Variants in BCL2L13 observed in about 807,000 individuals in gnomAD.
BCL2L13 encodes the protein BCL2 like 13, also known as bcl-2-like protein 13.
Under a neutral mutation model 25.8 loss-of-function variants are expected in BCL2L13, and 13 were observed. That is an observed-to-expected ratio of 0.50 (90% CI 0.33 to 0.80). The LOEUF (loss-of-function observed/expected upper bound fraction) is 0.80. BCL2L13 is among the 30% of genes least tolerant of loss of function. BCL2L13 has a pLI of 0.02. For missense variants in BCL2L13, 504 were observed against 574.9 expected (o/e 0.88, Z 1.26); for synonymous variants, 244 against 230.3 (o/e 1.06, Z -0.54).
At chr22:17,706,574 G>T in intron 6 of BCL2L13, 1 of 798,082 alleles carries the variant, frequency 1.3e-6, no homozygotes, top group Non-Finnish European at 1.6e-6. Flanking sequence ...CAAATGCCAG[G>T]TTTTCACATG....
chr22:17,643,695 T>C (rs2058369296), intron 1 of BCL2L13, among the ~76,000 whole-genome samples: 1 of 152,092 alleles, frequency 6.6e-6, no homozygotes, highest in African/African-American at 2.4e-5. Flanking sequence ...TGGTGCGATC[T>C]CGGCTCACTG....
chr22:17,671,676 T>C (rs2059425311), intron 2 of BCL2L13, among the ~76,000 whole-genome samples: 1 of 152,162 alleles, frequency 6.6e-6, no homozygotes, highest in Non-Finnish European at 1.5e-5. Context: ...GCGATCTTTA[T>C]GCCTTAGCCT....
chr22:17,645,675 T>C (rs1020912616), intron 1 of BCL2L13, among the ~76,000 whole-genome samples: 1 of 151,596 alleles, frequency 6.6e-6, no homozygotes, highest in African/African-American at 2.4e-5. Flanking sequence ...GAACCATATA[T>C]TGTAGAATTG....
intron 5 of BCL2L13, 140 bp from the exon 6 acceptor site, chr22:17,702,103 T>C: frequency 1.5e-6 from 1 of 664,208 alleles, no homozygotes; most frequent in Non-Finnish European, 2.4e-6. Context: ...TAATAGAAGT[T>C]ACTGTTTTAT....
At chr22:17,632,488 G>A (rs760784602) in intron 1 of BCL2L13, among the ~76,000 whole-genome samples, 22 of 152,070 alleles carry the variant, frequency 1.4e-4, no homozygotes, top group Non-Finnish European at 3.2e-4. Context: ...ACAGATTGCA[G>A]GAGTATGGAA....
At chr22:17,714,206 A>T (rs2060846029) in intron 6 of BCL2L13, among the ~76,000 whole-genome samples, 2 of 151,716 alleles carry the variant, frequency 1.3e-5, no homozygotes, top group South Asian at 4.2e-4. Flanking sequence ...GGCAGGAGAA[A>T]GGCGTGAACC....
At chr22:17,666,678 C>CTTTTTTTTT (rs35623813) in intron 2 of BCL2L13, among the ~76,000 whole-genome samples, 1 of 121,398 alleles carries the variant, frequency 8.2e-6, no homozygotes, top group Non-Finnish European at 1.6e-5. Context: ...GGACCTCATT[C>CTTTTTTTTT]TTTTTTTTTT....
chr22:17,649,063 A>C (rs1053066497), intron 1 of BCL2L13, among the ~76,000 whole-genome samples: 1 of 150,444 alleles, frequency 6.6e-6, no homozygotes, highest in Admixed American at 6.6e-5. Flanking sequence ...AGCCCCCCAC[A>C]TTGTTGGGAT....
At chr22:17,655,939 G>A in intron 2 of BCL2L13, 107 bp downstream of exon 2, 1 of 1,173,254 alleles carries the variant, frequency 8.5e-7, no homozygotes, top group Non-Finnish European at 1.2e-6. Context: ...GTACTAATAA[G>A]CCTGTAAGAA....
At chr22:17,629,222 A>T (rs1386554046) in intron 1 of BCL2L13, among the ~76,000 whole-genome samples, 1 of 151,834 alleles carries the variant, frequency 6.6e-6, no homozygotes, top group East Asian at 1.9e-4. Flanking sequence ...AAAAAGGGGG[A>T]TACATGATTT....
Position 17,730,252 on chromosome 22 carries a change from C to T in BCL2L13, c.*2718C>T, listed in dbSNP as rs987653549. 2.0e-5 allele frequency: 3 copies of T among 152,162 alleles called. No homozygotes were observed. The highest frequency in any genetic ancestry group is 7.2e-5 in the African/African-American group (3 of 41,438). The allele number at this position is 152,162 out of a possible 1,614,324, so 9.4% of individuals were successfully genotyped here. ...CTGCGGTGTGCCTTAAGGGGACTCT[C>T]ATGATCATCATTCCCTTCTAGAGAA... On this transcript the variant is annotated 3_prime_UTR_variant, in exon 7 of 7. Coordinates refer to ENST00000317582, the MANE Select transcript of BCL2L13 (RefSeq NM_015367.4).
intron 2 of BCL2L13, among the ~76,000 whole-genome samples, chr22:17,679,262 CTCTTT>C (rs1363328675): frequency 4.8e-5 from 5 of 104,942 alleles, no homozygotes; most frequent in African/African-American, 1.9e-4. Context: ...ATTGGTTTGG[CTCTTT>C]TTTTTTTTTT....
At chr22:17,659,746 T>G (rs2059008125) in intron 2 of BCL2L13, among the ~76,000 whole-genome samples, 1 of 143,404 alleles carries the variant, frequency 7.0e-6, no homozygotes, top group Non-Finnish European at 1.6e-5. Context: ...AGTCTAGTTC[T>G]GAGAAGAGGT....
upstream of BCL2L13, among the ~76,000 whole-genome samples, chr22:17,636,922 C>G (rs1370967130): frequency 6.6e-6 from 1 of 152,232 alleles, no homozygotes; most frequent in Non-Finnish European, 1.5e-5. Context: ...TTGCATGTTA[C>G]ATTTTTGAAA....
At position 17,719,882 on chromosome 22, in the gene BCL2L13, G is replaced by A. The variant is rs5992099; in HGVS notation, c.601-6795G>A. 1.4e-3 allele frequency among the ~76,000 whole-genome samples: 207 copies of A among 151,326 alleles called. 2 individuals are homozygous for A. Among genetic ancestry groups the A allele is most frequent in the African/African-American group, 4.4e-3 (183 of 41,216 alleles). On this transcript the variant is annotated intron_variant, in intron 6 of 6. Coordinates refer to ENST00000317582, the MANE Select transcript of BCL2L13 (RefSeq NM_015367.4). ...AGTATGGATACATGCTACAACATGG[G>A]TGGGCCTTGAAAACATTATGCTAAG...
chr22:17,642,468 T>G (rs1254374898), intron 1 of BCL2L13, among the ~76,000 whole-genome samples: 1 of 151,850 alleles, frequency 6.6e-6, no homozygotes, highest in Non-Finnish European at 1.5e-5. Context: ...CTGTCTGGCT[T>G]CTTTCACTTA....
At chr22:17,628,954 A>C in exon 1 of BCL2L13, 1 of 446,682 alleles carries the variant, frequency 2.2e-6, no homozygotes, top group Non-Finnish European at 4.2e-6. Context: ...AGAAAAGATA[A>C]GGAGTTCCTC....
At chr22:17,668,484 G>T (rs1486958349) in intron 2 of BCL2L13, among the ~76,000 whole-genome samples, 2 of 147,464 alleles carry the variant, frequency 1.4e-5, no homozygotes. Flanking sequence ...ATGGAGTCTC[G>T]CTCTGTCGCC....
At chr22:17,686,646 G>A (rs865968760) in intron 3 of BCL2L13, among the ~76,000 whole-genome samples, 1 of 151,702 alleles carries the variant, frequency 6.6e-6, no homozygotes, top group Non-Finnish European at 1.5e-5. Flanking sequence ...GAGTAGCTGG[G>A]ATTATAGGCG....
Sources: allele counts gnomAD v4.1 joint callset (sites outside exome capture counted in the v4.1 genomes callset), GRCh38; gene constraint gnomAD v4.1.1; transcripts MANE v1.5; gene names NCBI Gene and HGNC (gene_info 2026-07-23, HGNC 2026-07-21).